The following MAML3 variants were observed in gnomAD, a reference collection of about 807,000 sequenced individuals.
The protein encoded by MAML3 is mastermind like transcriptional coactivator 3.
Under a neutral mutation model 101.9 loss-of-function variants are expected in MAML3, and 27 were observed. The ratio of observed to expected loss-of-function variants is 0.27; its 90% CI spans 0.20 to 0.37. The LOEUF is 0.37. Ranked by LOEUF, MAML3 falls within the 10% of genes least tolerant of loss-of-function variation. The pLI is 1.00. For synonymous variants in MAML3, 501 were observed against 555.9 expected (o/e 0.90, Z 1.39); for missense variants, 1,316 against 1,444.9 (o/e 0.91, Z 1.45).
chr4:139,786,614 C>G (rs1730307932), intron 2 of MAML3, among the ~76,000 whole-genome samples: 1 of 152,156 alleles, frequency 6.6e-6, no homozygotes, highest in Non-Finnish European at 1.5e-5. Flanking sequence ...AAATAAATCT[C>G]TAGATTTTTG....
chr4:139,839,623 T>C (rs1455155700), intron 2 of MAML3, among the ~76,000 whole-genome samples: 1 of 152,094 alleles, frequency 6.6e-6, no homozygotes, highest in Non-Finnish European at 1.5e-5. Context: ...GAAATAAATA[T>C]GGAAATAAGG....
intron 1 of MAML3, among the ~76,000 whole-genome samples, chr4:140,063,710 TGTAACTGACA>T (rs1727486685): frequency 6.6e-6 from 1 of 152,148 alleles, no homozygotes; most frequent in Admixed American, 6.5e-5. Context: ...ACTGAAATAC[TGTAACTGACA>T]GTAACTGACC....
At chr4:139,994,712 T>C (rs1233352683) in intron 1 of MAML3, among the ~76,000 whole-genome samples, 1 of 152,150 alleles carries the variant, frequency 6.6e-6, no homozygotes, top group Non-Finnish European at 1.5e-5. Flanking sequence ...TTTTTGTATA[T>C]TAATCTTGTA....
At chr4:139,846,553 GC>G (rs1731452275) in intron 2 of MAML3, among the ~76,000 whole-genome samples, 1 of 152,094 alleles carries the variant, frequency 6.6e-6, no homozygotes, top group African/African-American at 2.4e-5. Flanking sequence ...CTGCCATATT[GC>G]CCAGATTGGT....
chr4:139,794,250 C>T (rs1002675937), intron 2 of MAML3: 2 of 152,218 alleles, frequency 1.3e-5, no homozygotes, highest in African/African-American at 2.4e-5. Flanking sequence ...AGTCATCACA[C>T]ACTTCTGGTC....
rs1304619455 is a variant in MAML3 at position 139,718,927 on chromosome 4, G to A, written c.*396C>T. On this transcript the variant is annotated 3_prime_UTR_variant, in exon 5 of 5. Transcript: ENST00000509479. ...TCTCTTTTGTGTCTCCAAAGCTGCTGTCTCCCGACCTGGGGCAGGAGGGGC... is the reference window on the plus strand; with the variant it reads ...TCTCTTTTGTGTCTCCAAAGCTGCTATCTCCCGACCTGGGGCAGGAGGGGC... The A allele has an allele frequency of 5.6e-6, 1 of 180,152 alleles. No individual in the cohort carries two copies. Among genetic ancestry groups the A allele is most frequent in the Non-Finnish European group, 1.2e-5 (1 of 85,220 alleles). 11.2% of individuals were successfully genotyped at this position (180,152 alleles called of 1,614,324 possible).
intron 4 of MAML3, among the ~76,000 whole-genome samples, chr4:139,725,208 C>G (rs1435078208): frequency 6.6e-6 from 1 of 152,316 alleles, no homozygotes; most frequent in East Asian, 1.9e-4. Flanking sequence ...TCAGTTCAAT[C>G]AGCCTCAAGG....
intron 2 of MAML3, among the ~76,000 whole-genome samples, chr4:139,863,277 T>A (rs1479895586): frequency 1.3e-5 from 2 of 152,232 alleles, no homozygotes; most frequent in East Asian, 3.9e-4. Context: ...GTAAGTCTTA[T>A]TCTTTGTTCA....
At chr4:140,029,357 A>G (rs776978530) in intron 1 of MAML3, among the ~76,000 whole-genome samples, 2 of 152,182 alleles carry the variant, frequency 1.3e-5, no homozygotes, top group Admixed American at 6.5e-5. Flanking sequence ...CAAAGACCAC[A>G]AACTAGGAGA....
intron 1 of MAML3, among the ~76,000 whole-genome samples, chr4:140,139,952 G>C (rs1244606870): frequency 2.0e-5 from 3 of 152,212 alleles, no homozygotes; most frequent in Admixed American, 6.5e-5. Flanking sequence ...AGGGACAGTA[G>C]AGTAGCTAAA....
intron 1 of MAML3, among the ~76,000 whole-genome samples, chr4:139,918,198 T>C (rs1329819883): frequency 6.6e-6 from 1 of 152,176 alleles, no homozygotes; most frequent in Non-Finnish European, 1.5e-5. Context: ...AGAGTCACTG[T>C]TGAAAAACAT....
chr4:139,826,128 AC>A (rs1731056886), intron 2 of MAML3, among the ~76,000 whole-genome samples: 1 of 150,206 alleles, frequency 6.7e-6, no homozygotes, highest in Non-Finnish European at 1.5e-5. Context: ...TTTCCTTCGC[AC>A]GTGAGAAGAT....
chr4:140,038,857 G>A (rs941557269), intron 1 of MAML3, among the ~76,000 whole-genome samples: 13 of 152,292 alleles, frequency 8.5e-5, no homozygotes, highest in African/African-American at 2.6e-4. Context: ...AGGCCTGGGC[G>A]TGGTGGCTCA....
chr4:139,865,497 T>TTTTTTG lies in MAML3; in HGVS notation c.2079+23859_2079+23860insCAAAAA, dbSNP rs1731879783. On this transcript the variant is annotated intron_variant, in intron 2 of 4. Transcript: ENST00000509479. ...ACCTCTGTAAAAGGTTTTTTTTTTG[T>TTTTTTG]TTTTTTTTTTTTTCATTCTCTAACT... Among the ~76,000 whole-genome samples, 40 of 94,444 alleles carry TTTTTTG rather than the reference T, an allele frequency of 4.2e-4. 1 individual carries two copies. The highest frequency in any genetic ancestry group is 1.6e-3 in the African/African-American group (37 of 23,704). The allele number at this position is 94,444 out of a possible 152,430, so 62.0% of individuals were successfully genotyped here.
intron 1 of MAML3, among the ~76,000 whole-genome samples, chr4:140,072,322 A>G (rs573786714): frequency 6.6e-6 from 1 of 152,312 alleles, no homozygotes; most frequent in African/African-American, 2.4e-5. Flanking sequence ...CAGTGTAACA[A>G]CCATTCACAT....
At chr4:140,072,701 C>T (rs1578670640) in intron 1 of MAML3, among the ~76,000 whole-genome samples, 3 of 151,290 alleles carry the variant, frequency 2.0e-5, no homozygotes, top group East Asian at 1.9e-4. Context: ...TACAGGAGGA[C>T]GTCCGTAAGT....
At chr4:139,888,021 C>T (rs1352294128) in intron 2 of MAML3, among the ~76,000 whole-genome samples, 4 of 152,146 alleles carry the variant, frequency 2.6e-5, no homozygotes, top group South Asian at 2.1e-4. Context: ...TTTATCCAGA[C>T]GGAATCTTTA....
chr4:140,100,314 T>C (rs1728234285), intron 1 of MAML3, among the ~76,000 whole-genome samples: 1 of 152,210 alleles, frequency 6.6e-6, no homozygotes, highest in South Asian at 2.1e-4. Context: ...ACTTTTGTTC[T>C]CCAGTTATCC....
At chr4:139,960,003 T>C (rs1733983254) in intron 1 of MAML3, among the ~76,000 whole-genome samples, 2 of 152,156 alleles carry the variant, frequency 1.3e-5, no homozygotes. Flanking sequence ...AAGCAGAGAC[T>C]ATCATTTAGC....
Sources: allele counts gnomAD v4.1 joint callset (sites outside exome capture counted in the v4.1 genomes callset), GRCh38; gene constraint gnomAD v4.1.1; transcripts MANE v1.5; gene names NCBI Gene and HGNC (gene_info 2026-07-23, HGNC 2026-07-21).